The following HCRTR2 variants were observed in gnomAD, a reference collection of about 807,000 sequenced individuals.
HCRTR2 encodes the protein orexin receptor type 2.
HCRTR2 carries 22 observed loss-of-function variants against 49.0 expected under a neutral mutation model. That is an observed-to-expected ratio of 0.45 (90% CI 0.32 to 0.64). HCRTR2 has a LOEUF of 0.64. Ranked by LOEUF, HCRTR2 falls within the 30% of genes least tolerant of loss-of-function variation. The pLI is 0.04. For missense variants in HCRTR2, 491 were observed against 559.4 expected (o/e 0.88, Z 1.23); for synonymous variants, 236 against 205.3 (o/e 1.15, Z -1.28).
At chr6:55,185,291 A>G (rs1164077100) in intron 1 of HCRTR2, among the ~76,000 whole-genome samples, 1 of 152,196 alleles carries the variant, frequency 6.6e-6, no homozygotes, top group Non-Finnish European at 1.5e-5. Flanking sequence ...TGGACACAGG[A>G]AAACCTAGAG....
intron 1 of HCRTR2, among the ~76,000 whole-genome samples, chr6:55,231,559 C>T (rs1470837063): frequency 6.6e-6 from 1 of 151,874 alleles, no homozygotes; most frequent in East Asian, 1.9e-4. Context: ...TAAAAATCTG[C>T]TTTGTGTGCC....
chr6:55,143,293 GTCT>G (rs1189433592), intron 1 of HCRTR2, among the ~76,000 whole-genome samples: 1 of 151,888 alleles, frequency 6.6e-6, no homozygotes, highest in Non-Finnish European at 1.5e-5. Context: ...TATCTACAAT[GTCT>G]TCTTTTGTAT....
chr6:55,116,703 T>TG, intron 1 of HCRTR2, among the ~76,000 whole-genome samples: 1 of 21,726 alleles, frequency 4.6e-5, no homozygotes, highest in Non-Finnish European at 1.4e-4. Flanking sequence ...AACAGTACTG[T>TG]AAAGAGAGAG....
chr6:55,150,267 A>G (rs751712558), intron 1 of HCRTR2, among the ~76,000 whole-genome samples: 3 of 151,908 alleles, frequency 2.0e-5, no homozygotes, highest in Non-Finnish European at 4.4e-5. Context: ...TCAAATCCAT[A>G]AACACATTCA....
intron 5 of HCRTR2, 125 bp downstream of exon 5, chr6:55,277,725 C>G (rs1767106543): frequency 4.1e-6 from 3 of 737,096 alleles, no homozygotes; most frequent in Non-Finnish European, 6.9e-6. Flanking sequence ...CCTTGTCAGG[C>G]CAGATGACTC....
intron 1 of HCRTR2, among the ~76,000 whole-genome samples, chr6:55,193,100 C>T (rs901796336): frequency 1.3e-5 from 2 of 152,142 alleles, no homozygotes; most frequent in African/African-American, 4.8e-5. Context: ...CATGTGTTCA[C>T]TCATTCATTC....
At chr6:55,249,862 C>T (rs1766515100) in intron 2 of HCRTR2, among the ~76,000 whole-genome samples, 1 of 152,042 alleles carries the variant, frequency 6.6e-6, no homozygotes, top group African/African-American at 2.4e-5. Flanking sequence ...CTTGTCTTCC[C>T]ATAGCTTTCC....
At chr6:55,174,312 C>T (rs1030876210), upstream of HCRTR2, 3 of 495,704 alleles carry the variant, frequency 6.1e-6, no homozygotes, top group Non-Finnish European at 1.1e-5. Flanking sequence ...GCTTTCTCCT[C>T]CTGGTGTCAT....
intron 1 of HCRTR2, among the ~76,000 whole-genome samples, chr6:55,129,723 G>C (rs931448843): frequency 6.6e-6 from 1 of 151,834 alleles, no homozygotes; most frequent in African/African-American, 2.4e-5. Flanking sequence ...TGCCAGTCTT[G>C]TTTGTTCTTA....
At chr6:55,276,390 C>G in intron 4 of HCRTR2, among the ~76,000 whole-genome samples, 1 of 152,110 alleles carries the variant, frequency 6.6e-6, no homozygotes, top group East Asian at 1.9e-4. Context: ...TAAAAAGCAA[C>G]AAAATCTATC....
chr6:55,130,974 C>T (rs145884306), intron 1 of HCRTR2, among the ~76,000 whole-genome samples: 142 of 151,836 alleles, frequency 9.4e-4, no homozygotes, highest in African/African-American at 3.2e-3. Context: ...CTGGAAAGAA[C>T]TAGAGCTAGG....
chr6:55,160,399 C>T (rs1764789155), intron 1 of HCRTR2, among the ~76,000 whole-genome samples: 1 of 152,130 alleles, frequency 6.6e-6, no homozygotes, highest in Non-Finnish European at 1.5e-5. Flanking sequence ...ATTGTAAAGA[C>T]CATCAACACT....
chr6:55,166,438 C>T (rs1259997602), intron 1 of HCRTR2, among the ~76,000 whole-genome samples: 1 of 151,704 alleles, frequency 6.6e-6, no homozygotes, highest in Non-Finnish European at 1.5e-5. Flanking sequence ...TAGAATTCAG[C>T]AGTAAAGCCA....
chr6:55,185,110 T>C (rs1433070996), intron 1 of HCRTR2, among the ~76,000 whole-genome samples: 1 of 152,220 alleles, frequency 6.6e-6, no homozygotes, highest in Admixed American at 6.5e-5. Flanking sequence ...AACTTTTTAT[T>C]ATTAAAAATA....
intron 1 of HCRTR2, among the ~76,000 whole-genome samples, chr6:55,154,703 AATAAATAAATAAAT>A (rs1561989026): frequency 2.0e-5 from 2 of 99,950 alleles, no homozygotes; most frequent in Admixed American, 1.0e-4. Context: ...TAAATAGATA[AATAAATAAATAAAT>A]ATAAATAAAT....
At chr6:55,176,895 G>A (rs1368950046) in intron 1 of HCRTR2, among the ~76,000 whole-genome samples, 1 of 152,148 alleles carries the variant, frequency 6.6e-6, no homozygotes, top group African/African-American at 2.4e-5. Flanking sequence ...CAGAGAAGCA[G>A]TAATTTTTTT....
At chr6:55,188,419 T>C (rs1422822428) in intron 1 of HCRTR2, among the ~76,000 whole-genome samples, 2 of 152,178 alleles carry the variant, frequency 1.3e-5, no homozygotes, top group South Asian at 2.1e-4. Flanking sequence ...TCAGCAATAA[T>C]AGAAATATAT....
chr6:55,239,081 A>G (rs1018219633), intron 1 of HCRTR2, among the ~76,000 whole-genome samples: 2 of 152,314 alleles, frequency 1.3e-5, no homozygotes, highest in South Asian at 4.1e-4. Context: ...ACAAAGTGTA[A>G]AAAGATGTGG....
At chr6:55,106,859 T>A (rs1763982116) in intron 1 of HCRTR2, among the ~76,000 whole-genome samples, 1 of 152,108 alleles carries the variant, frequency 6.6e-6, no homozygotes, top group Non-Finnish European at 1.5e-5. Flanking sequence ...CCCCTTTTGC[T>A]CATATCACTC....
Sources: allele counts gnomAD v4.1 joint callset (sites outside exome capture counted in the v4.1 genomes callset), GRCh38; gene constraint gnomAD v4.1.1; transcripts MANE v1.5; gene names NCBI Gene and HGNC (gene_info 2026-07-23, HGNC 2026-07-21).